The following DRC9 variants were observed in gnomAD, a reference collection of about 807,000 sequenced individuals.
The protein encoded by DRC9 is dynein regulatory complex subunit 9, also known as dynein regulatory complex protein 9.
the DRC9 span, among the ~76,000 whole-genome samples, chr3:197,918,597 G>T: frequency 2.0e-5 from 3 of 152,232 alleles, no homozygotes; most frequent in South Asian, 4.2e-4. Context: ...GTTTCTCACA[G>T]AATCTAAATA....
the DRC9 span, chr3:197,951,247 T>G: frequency 3.7e-6 from 6 of 1,614,204 alleles, no homozygotes; most frequent in Non-Finnish European, 4.2e-6. Flanking sequence ...TGAAGGTGTT[T>G]ACGCCCGAGA....
the DRC9 span, among the ~76,000 whole-genome samples, chr3:197,919,582 A>G: frequency 6.6e-6 from 1 of 152,188 alleles, no homozygotes; most frequent in East Asian, 1.9e-4. Context: ...TTGCCTTCAG[A>G]TCGGGACCTC....
chr3:197,894,236 T>C, the DRC9 span, among the ~76,000 whole-genome samples: 2 of 152,208 alleles, frequency 1.3e-5, no homozygotes, highest in African/African-American at 4.8e-5. Flanking sequence ...ATTACAGTCA[T>C]AGTACAAACC....
the DRC9 span, among the ~76,000 whole-genome samples, chr3:197,893,225 C>T: frequency 9.2e-5 from 14 of 151,792 alleles, no homozygotes; most frequent in Admixed American, 3.9e-4. Context: ...GGCATGGTGG[C>T]GCATACCTGT....
At chr3:197,934,436 C>T in the DRC9 span, among the ~76,000 whole-genome samples, 5 of 152,106 alleles carry the variant, frequency 3.3e-5, no homozygotes, top group South Asian at 6.2e-4. Flanking sequence ...CTGCCCACCT[C>T]GGCCTCCCAA....
chr3:197,905,123 T>C, the DRC9 span, among the ~76,000 whole-genome samples: 1 of 152,094 alleles, frequency 6.6e-6, no homozygotes, highest in Admixed American at 6.5e-5. Context: ...GGATGGTTAA[T>C]GTGTACAAAA....
chr3:197,899,505 T>C, the DRC9 span, among the ~76,000 whole-genome samples: 1 of 152,306 alleles, frequency 6.6e-6, no homozygotes, highest in Admixed American at 6.5e-5. Context: ...GAGGATTGCT[T>C]GAGCCCAGGA....
At chr3:197,913,797 C>G in the DRC9 span, 1 of 1,379,954 alleles carries the variant, frequency 7.2e-7, no homozygotes, top group East Asian at 2.3e-5. Context: ...ATCTTTGTCT[C>G]CCTCCTTTGT....
the DRC9 span, among the ~76,000 whole-genome samples, chr3:197,924,949 C>A: frequency 3.3e-5 from 5 of 152,182 alleles, no homozygotes; most frequent in Admixed American, 3.3e-4. Flanking sequence ...GATGCATTTT[C>A]TTATAAAAGT....
At chr3:197,913,349 T>TGTGCGTGCGTGCGTGC in the DRC9 span, 1 of 187,750 alleles carries the variant, frequency 5.3e-6, no homozygotes, top group East Asian at 1.1e-4. Flanking sequence ...TGCGTGCGTG[T>TGTGCGTGCGTGCGTGC]GTGCGTGCGT....
At chr3:197,892,297 A>C in the DRC9 span, among the ~76,000 whole-genome samples, 3 of 152,206 alleles carry the variant, frequency 2.0e-5, no homozygotes, top group South Asian at 6.2e-4. Context: ...GAGGTCATAA[A>C]CTAAGAATAA....
At chr3:197,896,186 A>G in the DRC9 span, among the ~76,000 whole-genome samples, 2 of 151,960 alleles carry the variant, frequency 1.3e-5, no homozygotes, top group African/African-American at 4.8e-5. Flanking sequence ...CTACTAAAAT[A>G]CAAAAAACTA....
the DRC9 span, among the ~76,000 whole-genome samples, chr3:197,932,705 T>C: frequency 6.8e-6 from 1 of 148,084 alleles, no homozygotes; most frequent in Admixed American, 6.9e-5. Flanking sequence ...GCATGTGCCC[T>C]AATTCCAGCT....
chr3:197,948,765 G>A, the DRC9 span, among the ~76,000 whole-genome samples: 28 of 152,190 alleles, frequency 1.8e-4, no homozygotes, highest in African/African-American at 5.8e-4. Context: ...ATACAACTTC[G>A]GAGTCATACT....
At chr3:197,952,023 T>C in the DRC9 span, among the ~76,000 whole-genome samples, 1 of 152,192 alleles carries the variant, frequency 6.6e-6, no homozygotes, top group African/African-American at 2.4e-5. Context: ...TTTGCACTTG[T>C]AAGCAATAAA....
chr3:197,945,683 T>G, the DRC9 span: 1 of 1,325,454 alleles, frequency 7.5e-7, no homozygotes. Context: ...AAAAGTGCAG[T>G]TACCTAAAAT....
the DRC9 span, chr3:197,943,787 G>T: frequency 2.5e-6 from 4 of 1,614,088 alleles, no homozygotes; most frequent in South Asian, 4.4e-5. Flanking sequence ...CCACGCAGAT[G>T]CTCTGTCTCC....
At chr3:197,913,161 C>G in the DRC9 span, 1 of 171,010 alleles carries the variant, frequency 5.8e-6, no homozygotes, top group Non-Finnish European at 1.2e-5. Flanking sequence ...CTGCTTCCCT[C>G]TTCCCATCTG....
chr3:197,943,966 C>G, the DRC9 span: 2 of 1,614,034 alleles, frequency 1.2e-6, no homozygotes, highest in South Asian at 2.2e-5. Context: ...TCTTCTTCTA[C>G]GGTACTAGGT....
Sources: allele counts gnomAD v4.1 joint callset (sites outside exome capture counted in the v4.1 genomes callset), GRCh38; gene constraint gnomAD v4.1.1; transcripts MANE v1.5; gene names NCBI Gene and HGNC (gene_info 2026-07-23, HGNC 2026-07-21).